The following FAM161A variants were observed in gnomAD, a reference collection of about 807,000 sequenced individuals.
The protein encoded by FAM161A is protein FAM161A.
In FAM161A, 57 loss-of-function variants were observed where a neutral mutation model predicts 70.9. The observed-to-expected ratio is 0.80, with a 90% CI of 0.65 to 1.00. The LOEUF (loss-of-function observed/expected upper bound fraction) is 1.00, where lower values mean the gene tolerates loss of function less well. Ranked by LOEUF, FAM161A falls within the 50% of genes least tolerant of loss-of-function variation. The pLI, the probability that FAM161A is intolerant of heterozygous loss-of-function variation, is 0.00. For synonymous variants in FAM161A, 299 were observed against 295.7 expected, an observed-to-expected ratio of 1.01 and a Z score of -0.12; for missense variants, 880 against 836.0, an observed-to-expected ratio of 1.05 and a Z score of -0.65.
chr2:61,826,262 A>G lies in FAM161A; in HGVS notation c.*193T>C. 1 of 709,658 alleles carries G rather than the reference A, an allele frequency of 1.4e-6. No individual in the cohort carries two copies. The highest frequency in any genetic ancestry group is 2.6e-6 in the Non-Finnish European group (1 of 391,812). The allele number at this position is 709,658 out of a possible 1,614,324, so 44.0% of individuals were successfully genotyped here. On this transcript the variant is annotated 3_prime_UTR_variant, in exon 7 of 7. Transcript: ENST00000404929. ...AATACACAATGATTTTTAAAACTGA[A>G]TAGGCAAAGCCTTACTCTAACTGAT...
chr2:61,814,959 C>T, the FAM161A span, among the ~76,000 whole-genome samples: 4 of 152,240 alleles, frequency 2.6e-5, no homozygotes, highest in Non-Finnish European at 4.4e-5. Context: ...CGGAATTTCT[C>T]GTGATTTTTC....
the FAM161A span, among the ~76,000 whole-genome samples, chr2:61,806,205 A>G: frequency 6.6e-6 from 1 of 152,106 alleles, no homozygotes; most frequent in Non-Finnish European, 1.5e-5. Context: ...GCGACAGAGC[A>G]AGATCCGTGA....
chr2:61,810,330 T>C, the FAM161A span, among the ~76,000 whole-genome samples: 2 of 152,056 alleles, frequency 1.3e-5, no homozygotes, highest in South Asian at 4.2e-4. Context: ...TGAAGAGTCC[T>C]GTAGAAGCCA....
downstream of FAM161A, among the ~76,000 whole-genome samples, chr2:61,822,963 T>C (rs1181907619): frequency 6.6e-6 from 1 of 152,172 alleles, no homozygotes; most frequent in Admixed American, 6.5e-5. Context: ...TAGAATTAAC[T>C]TGAGAAATAC....
chr2:61,852,060 C>T (rs987115532), intron 1 of FAM161A, among the ~76,000 whole-genome samples: 3 of 152,120 alleles, frequency 2.0e-5, no homozygotes, highest in Non-Finnish European at 4.4e-5. Flanking sequence ...ATGCCTCTTC[C>T]CCCAGCCTGT....
intron 1 of FAM161A, among the ~76,000 whole-genome samples, chr2:61,845,229 A>C (rs1191852127): frequency 6.6e-6 from 1 of 152,188 alleles, no homozygotes; most frequent in African/African-American, 2.4e-5. Flanking sequence ...GAGGACTAAT[A>C]GGAGGTAGAG....
At chr2:61,849,184 A>G (rs1453148079) in intron 1 of FAM161A, among the ~76,000 whole-genome samples, 1 of 138,118 alleles carries the variant, frequency 7.2e-6, no homozygotes, top group Non-Finnish European at 1.5e-5. Context: ...TGTACTGTAT[A>G]TTAAAATATA....
the FAM161A span, among the ~76,000 whole-genome samples, chr2:61,807,292 G>A: frequency 9.3e-5 from 14 of 150,092 alleles, no homozygotes; most frequent in African/African-American, 3.2e-4. Context: ...AGCAAATAAA[G>A]AGGCAGAAAA....
chr2:61,840,313 C>G lies in FAM161A; in HGVS notation c.691G>C (p.Glu231Gln). ...GGTACTGTAATTGTGGGCACCCATT[C>G]TTTTCGTTTCTTCCTTCTTTTTTCA... ...AAEKRRKKRK[E>Q]WVPTITVPEP... Residue 231 changes from glutamate (E) to glutamine (Q), a missense_variant, in exon 3 of 7, where the codon GAA (glutamate) becomes CAA (glutamine). Physicochemically the swap from Glu to Gln is conservative, Grantham distance 29. Transcript: ENST00000404929. 6.2e-7 allele frequency: 1 copy of G among 1,614,074 alleles called. No homozygotes were observed. The highest frequency in any genetic ancestry group is 8.5e-7 in the Non-Finnish European group (1 of 1,180,024).
rs781661338 is a variant in FAM161A at position 61,839,420 on chromosome 2, C to T, written c.1583+1G>A. ...GTCAGTACTGCGTCCTACTTACTTA[C>T]CTTACGGCTTGTTCTCGTCCTCTGG... On this transcript the variant is annotated splice_donor_variant, in intron 3 of 6. Coordinates refer to ENST00000404929, the MANE Select transcript of FAM161A (RefSeq NM_001201543.2). LOFTEE classifies it high-confidence loss of function. 6.2e-7 allele frequency: 1 copy of T among 1,614,190 alleles called. No homozygotes were observed.
the FAM161A span, among the ~76,000 whole-genome samples, chr2:61,804,811 A>AAAGAAAGAAAGAAAGG: frequency 6.7e-6 from 1 of 150,270 alleles, no homozygotes; most frequent in South Asian, 2.1e-4. Context: ...AGAAAGAAAG[A>AAAGAAAGAAAGAAAGG]AAGAAAGAGA....
At chr2:61,839,347 A>G (rs1275218909) in intron 3 of FAM161A, 74 bp downstream of exon 3, 17 of 1,365,512 alleles carry the variant, frequency 1.2e-5, no homozygotes, top group Non-Finnish European at 1.8e-5. Flanking sequence ...AAATTTACCA[A>G]CATAAACTCC....
chr2:61,810,791 C>T, the FAM161A span, among the ~76,000 whole-genome samples: 31 of 152,002 alleles, frequency 2.0e-4, no homozygotes, highest in African/African-American at 7.0e-4. Flanking sequence ...TGCTGTGCAG[C>T]CAAGCTGAAC....
At chr2:61,822,333 T>C (rs1039238174), downstream of FAM161A, among the ~76,000 whole-genome samples, 1 of 151,962 alleles carries the variant, frequency 6.6e-6, no homozygotes, top group Non-Finnish European at 1.5e-5. Flanking sequence ...ACAATACAGG[T>C]AAGTTAGTAA....
At chr2:61,849,970 GGGGA>G (rs747841140) in intron 1 of FAM161A, among the ~76,000 whole-genome samples, 97 of 151,644 alleles carry the variant, frequency 6.4e-4, no homozygotes, top group Non-Finnish European at 8.5e-4. Flanking sequence ...ACCACCAGGT[GGGGA>G]GGGAGGGAGG....
chr2:61,820,414 A>G (rs557330469), downstream of FAM161A: 316 of 757,696 alleles, frequency 4.2e-4, 2 homozygotes, highest in African/African-American at 4.5e-3. Flanking sequence ...TGCAGCCATG[A>G]ATGCAAGGCC....
rs1278051450 is a variant in FAM161A at position 61,849,046 on chromosome 2, TTA to T, written c.183+4811_183+4812del. On this transcript the variant is annotated intron_variant, in intron 1 of 6. Coordinates refer to ENST00000404929, the MANE Select transcript of FAM161A (RefSeq NM_001201543.2). ...TATATTTATATATATATTTATATATTTATATATATTTATATATATATAAATAT... is the reference window on the plus strand; with the variant it reads ...TATATTTATATATATATTTATATATTTATATATTTATATATATATAAATAT... 7.2e-3 allele frequency among the ~76,000 whole-genome samples: 12 copies of T among 1,676 alleles called. 5 individuals carry two copies. Among genetic ancestry groups the T allele is most frequent in the African/African-American group, 0.042 (12 of 286 alleles). 1.1% of individuals were successfully genotyped at this position (1,676 alleles called of 152,430 possible).
At chr2:61,817,147 G>A in the FAM161A span, among the ~76,000 whole-genome samples, 5 of 152,190 alleles carry the variant, frequency 3.3e-5, no homozygotes, top group African/African-American at 4.8e-5. Flanking sequence ...AGTGCCACGC[G>A]GGGACAGGGC....
At chr2:61,845,625 C>T (rs935627754) in intron 1 of FAM161A, among the ~76,000 whole-genome samples, 8 of 151,752 alleles carry the variant, frequency 5.3e-5, no homozygotes, top group Admixed American at 5.3e-4. Flanking sequence ...GAGTTCCAGA[C>T]CAGCCTGGGC....
Sources: allele counts gnomAD v4.1 joint callset (sites outside exome capture counted in the v4.1 genomes callset), GRCh38; gene constraint gnomAD v4.1.1; transcripts MANE v1.5; gene names NCBI Gene and HGNC (gene_info 2026-07-23, HGNC 2026-07-21).